SPSB1: variants seen among roughly 807,000 people sequenced by gnomAD.
The protein encoded by SPSB1 is SPRY domain-containing SOCS box protein 1.
A neutral mutation model predicts 21.2 loss-of-function variants in SPSB1; 8 were observed. That is an observed-to-expected ratio of 0.38 (90% CI 0.22 to 0.68). The LOEUF is 0.68. Among genes scored for constraint, SPSB1 ranks in the 30% least tolerant of loss-of-function variants. The pLI, the probability that SPSB1 is intolerant of heterozygous loss-of-function variation, is 0.53. For missense variants in SPSB1, 242 were observed against 377.8 expected, an observed-to-expected ratio of 0.64 and a Z score of 2.98; for synonymous variants, 169 against 161.7, an observed-to-expected ratio of 1.05 and a Z score of -0.34.
Position 9,297,999 on chromosome 1 carries a change from A to G in SPSB1, c.-150+4928A>G, listed in dbSNP as rs527648915. Among the ~76,000 whole-genome samples the G allele has an allele frequency of 2.0e-5, 3 of 152,354 alleles. No individual in the cohort carries two copies. In the South Asian group the frequency reaches 6.2e-4, roughly 32 times the overall value. ...CACTCAAATGGAAAACTTAAATGCA[A>G]CGGGAGTAATTGCATTTGGAGTGCA... On this transcript the variant is annotated intron_variant, in intron 1 of 2. Transcript: ENST00000328089.
chr1:9,302,030 G>A (rs551585391), intron 1 of SPSB1, among the ~76,000 whole-genome samples: 9 of 152,342 alleles, frequency 5.9e-5, no homozygotes, highest in Admixed American at 4.6e-4. Context: ...ACTGCTTCCA[G>A]GGAGCTCACT....
intron 1 of SPSB1, among the ~76,000 whole-genome samples, chr1:9,307,489 C>T (rs896187348): frequency 2.0e-5 from 3 of 152,212 alleles, no homozygotes; most frequent in East Asian, 1.9e-4. Context: ...TGGAACCATA[C>T]GTTGCATGGC....
At position 9,367,071 on chromosome 1, in the gene SPSB1, G is replaced by A. The variant is rs151301224; in HGVS notation, c.695-377G>A. Reference sequence around the variant, plus strand: ...AGTGGGGAAGAGCAGGGATCGCCTGGGTTCGAATCCTAGCTGCATCTCCTG... The same window carrying A: ...AGTGGGGAAGAGCAGGGATCGCCTGAGTTCGAATCCTAGCTGCATCTCCTG... On this transcript the variant is annotated intron_variant, in intron 2 of 2. Transcript: ENST00000328089. This position sits in a 1 kb window ranked among gnomAD's most constrained non-coding sequence, Gnocchi z 5.9. Among the ~76,000 whole-genome samples, 320 of 152,324 alleles carry A rather than the reference G, an allele frequency of 2.1e-3. 1 individual carries two copies. Among genetic ancestry groups the A allele is most frequent in the African/African-American group, 6.9e-3 (286 of 41,574 alleles).
intron 1 of SPSB1, among the ~76,000 whole-genome samples, chr1:9,326,643 C>T (rs1639820868): frequency 6.6e-6 from 1 of 152,158 alleles, no homozygotes; most frequent in African/African-American, 2.4e-5. Context: ...GCTCCTGTGC[C>T]CCGTCCCAGA....
At chr1:9,359,286 G>T (rs148425447) in intron 2 of SPSB1, among the ~76,000 whole-genome samples, 257 of 152,342 alleles carry the variant, frequency 1.7e-3, no homozygotes, top group African/African-American at 5.6e-3. Flanking sequence ...GGAGGGTGGG[G>T]CACTGTCACA....
chr1:9,320,187 T>C (rs12077625), intron 1 of SPSB1, among the ~76,000 whole-genome samples: 12,294 of 152,266 alleles, frequency 0.081, 1,460 homozygotes, highest in African/African-American at 0.26. Flanking sequence ...TGGCAGAAAC[T>C]TCCTTCTACA....
chr1:9,325,231 C>T (rs1321461419), intron 1 of SPSB1, among the ~76,000 whole-genome samples: 15 of 150,158 alleles, frequency 1.0e-4, no homozygotes, highest in African/African-American at 3.8e-4. Flanking sequence ...CACCACCCCC[C>T]CCCCCCGCCC....
chr1:9,329,704 C>CAAAAAAAAAAAAAAA (rs370850231), intron 1 of SPSB1, among the ~76,000 whole-genome samples: 1 of 87,056 alleles, frequency 1.1e-5, no homozygotes, highest in Non-Finnish European at 2.8e-5. Flanking sequence ...AAAACAACAA[C>CAAAAAAAAAAAAAAA]AAAAAAAAAA....
chr1:9,328,410 T>C (rs150084069), intron 1 of SPSB1, among the ~76,000 whole-genome samples: 1 of 152,354 alleles, frequency 6.6e-6, no homozygotes, highest in East Asian at 1.9e-4. Flanking sequence ...TTTAAGATGC[T>C]GATGCGTTTG....
intron 1 of SPSB1, among the ~76,000 whole-genome samples, chr1:9,294,192 GTC>G (rs1190501162): frequency 1.3e-5 from 2 of 151,908 alleles, no homozygotes; most frequent in East Asian, 1.9e-4. Context: ...GCAAATGTGT[GTC>G]TCTGTGTCTT....
chr1:9,319,890 A>G (rs113409786), intron 1 of SPSB1, among the ~76,000 whole-genome samples: 2 of 152,042 alleles, frequency 1.3e-5, no homozygotes, highest in African/African-American at 4.8e-5. Flanking sequence ...GGTGGGAAGC[A>G]GCCTCCCCGC....
intron 1 of SPSB1, among the ~76,000 whole-genome samples, chr1:9,337,817 G>A (rs1640028280): frequency 6.6e-6 from 1 of 152,206 alleles, no homozygotes; most frequent in Non-Finnish European, 1.5e-5. Flanking sequence ...TCTCTCCTGG[G>A]ACGCCCCATG....
rs989277166 is a variant in SPSB1 at position 9,356,334 on chromosome 1, G to A, written c.443G>A (p.Arg148Gln). The change falls in exon 2 of 3, where the codon CGG becomes CAG. Residue 148 changes from arginine (R) to glutamine (Q), a missense_variant. Transcript: ENST00000328089. This position sits in a 1 kb window ranked among gnomAD's most constrained non-coding sequence, Gnocchi z 7.4. ...TGGGGCTGGGACTTGGGGCGCAACC[G>A]GCTCTACCACGATGGCAAGAACCAG... is the stretch of plus-strand genomic sequence containing the variant. ...ESWGWDLGRN[R>Q]LYHDGKNQPS... 12 of 1,613,938 alleles carry A rather than the reference G, an allele frequency of 7.4e-6. No individual in the cohort carries two copies. Among genetic ancestry groups the A allele is most frequent in the Admixed American group, 1.7e-5 (1 of 60,022 alleles).
At chr1:9,299,438 A>C (rs1007593877) in intron 1 of SPSB1, among the ~76,000 whole-genome samples, 2 of 152,308 alleles carry the variant, frequency 1.3e-5, no homozygotes, top group East Asian at 1.9e-4. Context: ...TAGGAGTTTG[A>C]GACCAGCCTG....
rs891124338 is a variant in SPSB1 at position 9,345,578 on chromosome 1, C to G, written c.-149-10165C>G. Among the ~76,000 whole-genome samples, 2 of 152,146 alleles carry G rather than the reference C, an allele frequency of 1.3e-5. No individual in the cohort carries two copies. The highest frequency in any genetic ancestry group is 1.3e-4 in the Admixed American group (2 of 15,284). ...AGGCACAGTCCGTTGTCCTCGCCAC[C>G]CTGACTAAGCTACAGCTGCGATATA... is the stretch of plus-strand genomic sequence containing the variant. On this transcript the variant is annotated intron_variant, in intron 1 of 2. Coordinates refer to ENST00000328089, the MANE Select transcript of SPSB1 (RefSeq NM_025106.4). The surrounding 1 kb of genome is among the most constrained non-coding windows in gnomAD (Gnocchi z 4.8).
chr1:9,347,209 C>T (rs890087515), intron 1 of SPSB1, among the ~76,000 whole-genome samples: 3 of 152,212 alleles, frequency 2.0e-5, no homozygotes, highest in Admixed American at 1.3e-4. Flanking sequence ...ATCCTTAACA[C>T]GTACCTTCAT....
intron 1 of SPSB1, among the ~76,000 whole-genome samples, chr1:9,350,735 G>T (rs1640243033): frequency 6.6e-6 from 1 of 152,224 alleles, no homozygotes; most frequent in Non-Finnish European, 1.5e-5. Flanking sequence ...GGGGATGAAG[G>T]CTGAGTCCTC....
Position 9,367,376 on chromosome 1 carries a change from C to T in SPSB1, c.695-72C>T. On this transcript the variant is annotated intron_variant, in intron 2 of 2. Transcript: ENST00000328089. This position sits in a 1 kb window ranked among gnomAD's most constrained non-coding sequence, Gnocchi z 5.9. ...TGAATACTAATCAGTGATAATATTG[C>T]TGCTGTGGTTAGCGCTGTTTGCTGA... 2 of 1,604,866 alleles carry T rather than the reference C, an allele frequency of 1.2e-6. No homozygotes were observed. The highest frequency in any genetic ancestry group is 1.1e-5 in the South Asian group (1 of 90,840).
Position 9,356,182 on chromosome 1 carries a change from G to A in SPSB1, c.291G>A (p.Leu97=), listed in dbSNP as rs1189595838. ...GCAAAGTCGGGTATACCCGTGGGCTGCACGTGTGGCAGATCACGTGGGCCA... is the reference window on the plus strand; with the variant it reads ...GCAAAGTCGGGTATACCCGTGGGCTACACGTGTGGCAGATCACGTGGGCCA... The part of the protein sequence containing the change: ...IRGKVGYTRG[L]HVWQITWAMR... The change falls in exon 2 of 3, where the codon CTG becomes CTA. Residue 97 remains leucine, a synonymous_variant. Transcript: ENST00000328089. This position sits in a 1 kb window ranked among gnomAD's most constrained non-coding sequence, Gnocchi z 7.4. 1 of 1,586,398 alleles carries A rather than the reference G, an allele frequency of 6.3e-7. No individual in the cohort carries two copies. The highest frequency in any genetic ancestry group is 1.2e-5 in the South Asian group (1 of 86,178).
Sources: allele counts gnomAD v4.1 joint callset (sites outside exome capture counted in the v4.1 genomes callset), GRCh38; gene constraint gnomAD v4.1.1; non-coding constraint Gnocchi (gnomAD v3.1); transcripts MANE v1.5; gene names NCBI Gene and HGNC (gene_info 2026-07-23, HGNC 2026-07-21).